Variants in ZDHHC11 observed in about 807,000 individuals in gnomAD.
The protein encoded by ZDHHC11 is zDHHC palmitoyltransferase 11.
Under a neutral mutation model 51.3 loss-of-function variants are expected in ZDHHC11, and 44 were observed. That is an observed-to-expected ratio of 0.86 (90% CI 0.67 to 1.10). The LOEUF (loss-of-function observed/expected upper bound fraction) is 1.10, where lower values mean the gene tolerates loss of function less well. Among genes scored for constraint, ZDHHC11 ranks in the 50% least tolerant of loss-of-function variants. The pLI, the probability that ZDHHC11 is intolerant of heterozygous loss-of-function variation, is 0.00. For synonymous variants in ZDHHC11, 163 were observed against 222.0 expected, an observed-to-expected ratio of 0.73 and a Z score of 2.36; for missense variants, 400 against 537.7, an observed-to-expected ratio of 0.74 and a Z score of 2.53.
Position 850,224 on chromosome 5 carries a change from GC to G in ZDHHC11, c.222+156del, listed in dbSNP as rs1579812442. ...GCAGGGGCTGCACAGAGCATGAGTG[GC>G]CACTGGGCCCACCTGCAGGCTCAGG... On this transcript the variant is annotated intron_variant, in intron 1 of 12. Coordinates refer to ENST00000283441, the MANE Select transcript of ZDHHC11 (RefSeq NM_024786.3). 25 of 808,768 alleles carry G rather than the reference GC, an allele frequency of 3.1e-5. No individual in the cohort carries two copies. The East Asian group carries it at 6.4e-4, about 21-fold the overall frequency. The allele number at this position is 808,768 out of a possible 1,614,324, so 50.1% of individuals were successfully genotyped here.
At chr5:843,055 G>A (rs1223538505) in intron 4 of ZDHHC11, among the ~76,000 whole-genome samples, 1 of 152,290 alleles carries the variant, frequency 6.6e-6, no homozygotes, top group East Asian at 1.9e-4. Flanking sequence ...GGTTAGGCGT[G>A]GACTCGCCTC....
At position 845,884 on chromosome 5, in the gene ZDHHC11, C is replaced by T. The variant is rs553398741; in HGVS notation, c.503+1630G>A. Among the ~76,000 whole-genome samples the T allele has an allele frequency of 4.1e-3, 595 of 146,132 alleles. 1 individual carries two copies. The highest frequency in any genetic ancestry group is 0.015 in the African/African-American group (549 of 36,168). On this transcript the variant is annotated intron_variant, in intron 3 of 12. Coordinates refer to ENST00000283441, the MANE Select transcript of ZDHHC11 (RefSeq NM_024786.3). Reference sequence around the variant, plus strand: ...AGGCGGTGTCTACACTTGGCACCCACGTGGTCCCTCTCCAGCACCCCTCCT... The same window carrying T: ...AGGCGGTGTCTACACTTGGCACCCATGTGGTCCCTCTCCAGCACCCCTCCT...
chr5:859,112 G>C (rs1340784106), upstream of ZDHHC11, among the ~76,000 whole-genome samples: 1 of 152,048 alleles, frequency 6.6e-6, no homozygotes, highest in Non-Finnish European at 1.5e-5. Context: ...GGGTGGAGGT[G>C]AAATAATGCA....
At chr5:854,781 C>T (rs1362197211), upstream of ZDHHC11, among the ~76,000 whole-genome samples, 3 of 140,152 alleles carry the variant, frequency 2.1e-5, no homozygotes, top group Non-Finnish European at 3.1e-5. Flanking sequence ...ACAGACCCCA[C>T]GGAGGACAGT....
chr5:850,723 T>C lies in ZDHHC11; in HGVS notation c.-121A>G. The C allele has an allele frequency of 1.6e-6, 2 of 1,262,028 alleles. No individual in the cohort carries two copies. The highest frequency in any genetic ancestry group is 1.4e-5 in the South Asian group (1 of 72,200). 78.2% of individuals were successfully genotyped at this position (1,262,028 alleles called of 1,614,324 possible). A position where few individuals can be genotyped will look rare whatever the true frequency, so the allele number is the denominator to read the frequency against. On this transcript the variant is annotated 5_prime_UTR_variant, in exon 1 of 13. Transcript: ENST00000283441. ...CGCCAGGACCAGCACTGACAGCCAATGGCCCAGCACTGCCTGGGGCCACGT... is the reference window on the plus strand; with the variant it reads ...CGCCAGGACCAGCACTGACAGCCAACGGCCCAGCACTGCCTGGGGCCACGT...
At chr5:850,012 G>A (rs1454215178) in intron 1 of ZDHHC11, among the ~76,000 whole-genome samples, 3 of 152,240 alleles carry the variant, frequency 2.0e-5, no homozygotes, top group Non-Finnish European at 2.9e-5. Context: ...GCGGGGCATG[G>A]CGCTGTTCCT....
intron 12 of ZDHHC11, among the ~76,000 whole-genome samples, chr5:797,061 G>T (rs1196997543): frequency 1.3e-5 from 2 of 151,180 alleles, no homozygotes; most frequent in Non-Finnish European, 3.0e-5. Flanking sequence ...CAAAAAATTA[G>T]CTGGGTGTGG....
chr5:840,886 G>C, intron 4 of ZDHHC11: 1 of 1,425,256 alleles, frequency 7.0e-7, no homozygotes, highest in Non-Finnish European at 9.2e-7. Flanking sequence ...CTCCAACATT[G>C]TCACTAAGTG....
At chr5:818,132 A>C (rs1181887676) in intron 10 of ZDHHC11, among the ~76,000 whole-genome samples, 2 of 151,278 alleles carry the variant, frequency 1.3e-5, no homozygotes, top group Non-Finnish European at 3.0e-5. Context: ...ACCAGGCCTC[A>C]TGTGGCTTCA....
At chr5:837,032 G>A (rs1171406237) in intron 6 of ZDHHC11, among the ~76,000 whole-genome samples, 3 of 151,672 alleles carry the variant, frequency 2.0e-5, no homozygotes, top group Non-Finnish European at 4.4e-5. Context: ...ACTCCACCCT[G>A]GGCAACAGAG....
chr5:802,317 A>T (rs1738539763), intron 11 of ZDHHC11, among the ~76,000 whole-genome samples: 1 of 151,456 alleles, frequency 6.6e-6, no homozygotes, highest in Admixed American at 6.6e-5. Flanking sequence ...GACAGGACTC[A>T]GTAAGCAAAG....
chr5:812,846 T>A lies in ZDHHC11; in HGVS notation c.1181+1915A>T, dbSNP rs1212203136. Among the ~76,000 whole-genome samples the A allele has an allele frequency of 3.3e-5, 5 of 151,268 alleles. No individual in the cohort carries two copies. In the South Asian group the frequency reaches 1.0e-3, roughly 32 times the overall value. On this transcript the variant is annotated intron_variant, in intron 11 of 12. Transcript: ENST00000283441. The stretch of plus-strand genomic sequence containing the variant: ...TATGCACATCATGAGAGGGTGAATT[T>A]CCTGACAAGAATAAAACACATCTAT...
intron 12 of ZDHHC11, among the ~76,000 whole-genome samples, chr5:796,810 T>G (rs1737642128): frequency 6.6e-6 from 1 of 152,210 alleles, no homozygotes; most frequent in African/African-American, 2.4e-5. Flanking sequence ...TCCAGAAAGC[T>G]TAGAGATGAG....
intron 7 of ZDHHC11, among the ~76,000 whole-genome samples, chr5:828,024 C>T (rs1050595397): frequency 1.3e-5 from 2 of 151,290 alleles, no homozygotes; most frequent in Admixed American, 6.6e-5. Context: ...TGAGTGGACA[C>T]AGCACATGTT....
chr5:811,695 A>G (rs2150311743), intron 11 of ZDHHC11, among the ~76,000 whole-genome samples: 1 of 151,384 alleles, frequency 6.6e-6, no homozygotes, highest in Non-Finnish European at 1.5e-5. Flanking sequence ...GCCACTCTCA[A>G]AATGAGGTGT....
At chr5:804,472 A>G (rs1738956437) in intron 11 of ZDHHC11, among the ~76,000 whole-genome samples, 1 of 151,098 alleles carries the variant, frequency 6.6e-6, no homozygotes, top group Non-Finnish European at 1.5e-5. Context: ...AAATCTAATT[A>G]AAGGAATGAA....
intron 4 of ZDHHC11, chr5:842,608 G>T: frequency 1.0e-6 from 1 of 986,012 alleles, no homozygotes; most frequent in Non-Finnish European, 1.2e-6. Flanking sequence ...GCTGAGACTG[G>T]CAGTCTTGTC....
At chr5:818,936 A>T (rs2150329027) in intron 10 of ZDHHC11, among the ~76,000 whole-genome samples, 1 of 151,648 alleles carries the variant, frequency 6.6e-6, no homozygotes, top group East Asian at 1.9e-4. Context: ...GTGGCCCTAA[A>T]GCCGGTAGCC....
At chr5:851,887 C>T (rs1747280638), upstream of ZDHHC11, among the ~76,000 whole-genome samples, 1 of 152,184 alleles carries the variant, frequency 6.6e-6, no homozygotes, top group East Asian at 1.9e-4. Context: ...GAAACCCTGT[C>T]TCTACTAAAA....
Sources: gnomAD v4.1 joint callset for allele counts (sites outside exome capture counted in the v4.1 genomes callset) on GRCh38, gnomAD v4.1.1 for gene constraint, MANE v1.5 for transcripts, NCBI Gene and HGNC (gene_info 2026-07-23, HGNC 2026-07-21) for gene names.